Variants in PTCHD4 observed in about 807,000 individuals in gnomAD.
PTCHD4 encodes the protein patched domain-containing protein 4.
Under a neutral mutation model 58.1 loss-of-function variants are expected in PTCHD4, and 33 were observed. The ratio of observed to expected loss-of-function variants is 0.57; its 90% CI spans 0.43 to 0.76. PTCHD4 has a LOEUF of 0.76. PTCHD4 is among the 30% of genes least tolerant of loss of function. The pLI, the probability that PTCHD4 is intolerant of heterozygous loss-of-function variation, is 0.00. For synonymous variants in PTCHD4, 478 were observed against 409.6 expected (o/e 1.17, Z -2.02); for missense variants, 1,058 against 1,027.1 (o/e 1.03, Z -0.41).
At chr6:48,001,591 C>T (rs1397474268) in intron 4 of PTCHD4, among the ~76,000 whole-genome samples, 1 of 152,130 alleles carries the variant, frequency 6.6e-6, no homozygotes, top group African/African-American at 2.4e-5. Context: ...TTCCTTACAC[C>T]TTATACAAAA....
At chr6:48,029,800 T>C (rs983142292) in intron 3 of PTCHD4, among the ~76,000 whole-genome samples, 2 of 152,082 alleles carry the variant, frequency 1.3e-5, no homozygotes, top group African/African-American at 4.8e-5. Flanking sequence ...GTATTATACT[T>C]GAAAATGATG....
chr6:48,057,180 G>GTTTTTT (rs368272988), intron 3 of PTCHD4, among the ~76,000 whole-genome samples: 1 of 146,566 alleles, frequency 6.8e-6, no homozygotes, highest in African/African-American at 2.5e-5. Context: ...GGTTTTTTTT[G>GTTTTTT]TTTTTTTTTG....
chr6:47,876,110 A>T lies in PTCHD4; in HGVS notation c.*2193T>A. 6.6e-6 allele frequency among the ~76,000 whole-genome samples: 1 copy of T among 151,636 alleles called. No individual in the cohort carries two copies. The highest frequency in any genetic ancestry group is 6.6e-5 in the Admixed American group (1 of 15,172). ...CACCCAAACAAAAAATCAAAACCCA[A>T]CCAAAAACCTCCTCTGAAACTTCTA... On this transcript the variant is annotated 3_prime_UTR_variant, in exon 5 of 5. Coordinates refer to ENST00000339488, the MANE Select transcript of PTCHD4 (RefSeq NM_001384253.1).
chr6:48,068,827 C>T lies in PTCHD4; in HGVS notation c.5+126G>A. ...TGCGCTCCTACTACTCTTTCAAACA[C>T]TGCAGCAAGTTGCAGCAAGGCGGGC... is the stretch of plus-strand genomic sequence containing the variant. On this transcript the variant is annotated intron_variant, in intron 2 of 4. Transcript: ENST00000339488. The surrounding 1 kb of genome is among the most constrained non-coding windows in gnomAD (Gnocchi z 4.2). The T allele has an allele frequency of 1.8e-6, 1 of 567,284 alleles. No individual in the cohort carries two copies. The highest frequency in any genetic ancestry group is 3.0e-6 in the Non-Finnish European group (1 of 337,002). 35.1% of individuals were successfully genotyped at this position (567,284 alleles called of 1,614,324 possible). A position where few individuals can be genotyped will look rare whatever the true frequency, so the allele number is the denominator to read the frequency against.
intron 3 of PTCHD4, among the ~76,000 whole-genome samples, chr6:48,010,204 C>G (rs182250607): frequency 6.6e-6 from 1 of 152,114 alleles, no homozygotes; most frequent in South Asian, 2.1e-4. Context: ...GAGACAGGCA[C>G]TAAGGTATGT....
intron 1 of PTCHD4, among the ~76,000 whole-genome samples, chr6:48,074,936 T>A (rs759779928): frequency 9.9e-5 from 15 of 152,180 alleles, no homozygotes; most frequent in African/African-American, 3.6e-4. Context: ...CTGATATTTT[T>A]AAAAATTATC....
intron 3 of PTCHD4, among the ~76,000 whole-genome samples, chr6:48,040,483 A>G (rs981414913): frequency 1.1e-4 from 16 of 146,202 alleles, no homozygotes; most frequent in Middle Eastern, 3.5e-3. Context: ...AAAAAAAAAA[A>G]TGTCTGGTGC....
At chr6:48,062,651 A>G (rs1302885057) in intron 3 of PTCHD4, among the ~76,000 whole-genome samples, 1 of 152,178 alleles carries the variant, frequency 6.6e-6, no homozygotes, top group Non-Finnish European at 1.5e-5. Flanking sequence ...AAAATTCAAT[A>G]AAAGAACTTA....
intron 1 of PTCHD4, among the ~76,000 whole-genome samples, chr6:48,088,932 T>C (rs1278079366): frequency 6.6e-6 from 1 of 151,972 alleles, no homozygotes; most frequent in Non-Finnish European, 1.5e-5. Flanking sequence ...GTAATGCAGG[T>C]TACTCAGGAG....
At chr6:47,963,967 C>T (rs932425040) in intron 4 of PTCHD4, among the ~76,000 whole-genome samples, 1 of 152,128 alleles carries the variant, frequency 6.6e-6, no homozygotes, top group Non-Finnish European at 1.5e-5. Flanking sequence ...AGGATTAAAC[C>T]ACTCATTATC....
intron 4 of PTCHD4, among the ~76,000 whole-genome samples, chr6:47,906,742 G>A (rs1214953281): frequency 3.9e-5 from 6 of 152,166 alleles, no homozygotes; most frequent in African/African-American, 1.2e-4. Flanking sequence ...AAATCTCTGC[G>A]GTGACATTTC....
chr6:47,940,738 A>G (rs1321905424), intron 4 of PTCHD4, among the ~76,000 whole-genome samples: 1 of 152,194 alleles, frequency 6.6e-6, no homozygotes, highest in Non-Finnish European at 1.5e-5. Flanking sequence ...GATATGGGAA[A>G]AACCAATTTA....
At chr6:47,888,541 T>A (rs1158332558) in intron 4 of PTCHD4, among the ~76,000 whole-genome samples, 1 of 152,200 alleles carries the variant, frequency 6.6e-6, no homozygotes, top group African/African-American at 2.4e-5. Context: ...CAGTTGTATA[T>A]TTTATATATA....
chr6:47,933,672 A>G (rs564488400), intron 4 of PTCHD4, among the ~76,000 whole-genome samples: 1 of 152,208 alleles, frequency 6.6e-6, no homozygotes, highest in Non-Finnish European at 1.5e-5. Context: ...TAGACTTAGT[A>G]TAAGATTAGT....
rs1304563965 is a variant in PTCHD4 at position 47,860,117 on chromosome 6, A to G, written c.*18186T>C. 6.6e-6 allele frequency among the ~76,000 whole-genome samples: 1 copy of G among 152,020 alleles called. No homozygotes were observed. Among genetic ancestry groups the G allele is most frequent in the Non-Finnish European group, 1.5e-5 (1 of 67,976 alleles). On this transcript the variant is annotated 3_prime_UTR_variant, in exon 5 of 5. Coordinates refer to ENST00000339488, the MANE Select transcript of PTCHD4 (RefSeq NM_001384253.1). Reference sequence around the variant, plus strand: ...CTTGAAGTATTCCCCTTTAATGCCAATAGTTCCCTATACCCAGATTCTCTT... The same window carrying G: ...CTTGAAGTATTCCCCTTTAATGCCAGTAGTTCCCTATACCCAGATTCTCTT...
chr6:48,007,340 A>G (rs1012791724), intron 4 of PTCHD4, among the ~76,000 whole-genome samples: 7 of 152,238 alleles, frequency 4.6e-5, no homozygotes, highest in African/African-American at 1.4e-4. Flanking sequence ...ATCATCTATC[A>G]TATAAACACA....
rs140521714 is a variant in PTCHD4, at chr6:48,019,361, T to G, written c.418-10247A>C. The stretch of plus-strand genomic sequence containing the variant: ...ATGGTGTGGGGTGAGGATAGAGTGG[T>G]AGACAGCTACAGTGCCTGTCTTCAA... On this transcript the variant is annotated intron_variant, in intron 3 of 4. Transcript: ENST00000339488. Among the ~76,000 whole-genome samples the G allele has an allele frequency of 2.0e-5, 3 of 152,004 alleles. No homozygotes were observed. In the East Asian group the frequency reaches 5.8e-4, roughly 29 times the overall value.
chr6:48,103,562 C>T lies in PTCHD4; in HGVS notation c.-970+7487G>A, dbSNP rs529499341. Among the ~76,000 whole-genome samples the T allele has an allele frequency of 9.3e-4, 141 of 152,234 alleles. 6 individuals carry two copies. Among genetic ancestry groups the T allele is most frequent in the African/African-American group, 2.9e-3 (121 of 41,538 alleles). On this transcript the variant is annotated intron_variant, in intron 1 of 4. Transcript: ENST00000339488. The stretch of plus-strand genomic sequence containing the variant: ...GAGCGCCTCTCCTCCTCCAAAGGAA[C>T]GCAGCTCCTCACCAGGAATGGAACA...
intron 4 of PTCHD4, among the ~76,000 whole-genome samples, chr6:47,980,452 T>C (rs1767840878): frequency 6.6e-6 from 1 of 152,110 alleles, no homozygotes; most frequent in African/African-American, 2.4e-5. Context: ...TGTCTTCTTA[T>C]GTAAAACCTT....
Sources: gnomAD v4.1 joint callset for allele counts (sites outside exome capture counted in the v4.1 genomes callset) on GRCh38, gnomAD v4.1.1 for gene constraint, Gnocchi (gnomAD v3.1) non-coding constraint, MANE v1.5 for transcripts, NCBI Gene and HGNC (gene_info 2026-07-23, HGNC 2026-07-21) for gene names.